ENPP3: variants seen among roughly 807,000 people sequenced by gnomAD.
ENPP3 encodes ectonucleotide pyrophosphatase/phosphodiesterase family member 3.
Under a neutral mutation model 117.8 loss-of-function variants are expected in ENPP3, and 104 were observed. That is an observed-to-expected ratio of 0.88 (90% CI 0.75 to 1.04). The LOEUF is 1.04. Ranked by LOEUF, ENPP3 falls within the 50% of genes least tolerant of loss-of-function variation. The pLI, the probability that ENPP3 is intolerant of heterozygous loss-of-function variation, is 0.00. For synonymous variants in ENPP3, 380 were observed against 349.9 expected (o/e 1.09, Z -0.96); for missense variants, 1,026 against 1,051.9 (o/e 0.98, Z 0.34).
At chr6:131,655,683 A>G (rs1485206152) in intron 5 of ENPP3, among the ~76,000 whole-genome samples, 1 of 152,240 alleles carries the variant, frequency 6.6e-6, no homozygotes, top group Non-Finnish European at 1.5e-5. Context: ...AACCTAGATG[A>G]CTAAGCCCAA....
chr6:131,726,848 C>G (rs1052773593), intron 20 of ENPP3, among the ~76,000 whole-genome samples: 15 of 152,296 alleles, frequency 9.8e-5, no homozygotes, highest in Middle Eastern at 3.4e-3. Flanking sequence ...AGGAAGAAAA[C>G]AGTAGATCCC....
rs371737976 is a variant in ENPP3, at chr6:131,639,265, A to ATATATATATTT, written c.78+1804_78+1805insATATATATTTT. Among the ~76,000 whole-genome samples, 25 of 107,184 alleles carry ATATATATATTT rather than the reference A, an allele frequency of 2.3e-4. No individual in the cohort carries two copies. The South Asian group carries it at 3.0e-3, about 13-fold the overall frequency. 70.3% of individuals were successfully genotyped at this position (107,184 alleles called of 152,430 possible). A position where few individuals can be genotyped will look rare whatever the true frequency, so the allele number is the denominator to read the frequency against. ...TATGCTAATATATATATATATATATATTTTTTTTTTTTTCTCTCTCTCTTT... is the reference window on the plus strand; with the variant it reads ...TATGCTAATATATATATATATATATATATATATATTTTTTTTTTTTTTTTCTCTCTCTCTTT... On this transcript the variant is annotated intron_variant, in intron 1 of 24. Transcript: ENST00000357639.
At chr6:131,649,555 T>C (rs1398290340) in intron 2 of ENPP3, among the ~76,000 whole-genome samples, 1 of 152,120 alleles carries the variant, frequency 6.6e-6, no homozygotes, top group African/African-American at 2.4e-5. Context: ...TCAATGTCAT[T>C]ACTATTATTA....
chr6:131,727,445 C>A (rs1180627963), intron 20 of ENPP3, among the ~76,000 whole-genome samples: 1 of 148,768 alleles, frequency 6.7e-6, no homozygotes, highest in Non-Finnish European at 1.5e-5. Context: ...ATCCCCGCTA[C>A]TTGGGAGGCT....
At position 131,726,126 on chromosome 6, in the gene ENPP3, C is replaced by T. The variant is rs761631707; in HGVS notation, c.1879C>T (p.His627Tyr). 1 of 1,613,452 alleles carries T rather than the reference C, an allele frequency of 6.2e-7. No homozygotes were observed. Among genetic ancestry groups the T allele is most frequent in the Admixed American group, 1.7e-5 (1 of 60,002 alleles). ...GAACGTGGACCACTGTCTCCTTTAC[C>T]ACAGGGAATATGTCAGTGGATTTGG... The part of the protein sequence containing the change: ...QKNVDHCLLY[H>Y]REYVSGFGKA... The change falls in exon 20 of 25, where the codon CAC becomes TAC. Residue 627 changes from histidine to tyrosine, a missense_variant. Physicochemically the swap from His to Tyr is moderately conservative, Grantham distance 83. Transcript: ENST00000357639.
intron 6 of ENPP3, among the ~76,000 whole-genome samples, chr6:131,670,848 A>G (rs1585643748): frequency 6.6e-6 from 1 of 152,192 alleles, no homozygotes; most frequent in African/African-American, 2.4e-5. Flanking sequence ...ACACGTAAAA[A>G]TTACCTGAAA....
intron 5 of ENPP3, among the ~76,000 whole-genome samples, chr6:131,657,887 G>C (rs577184996): frequency 2.1e-4 from 32 of 152,236 alleles, no homozygotes; most frequent in African/African-American, 6.5e-4. Context: ...TTTTAGGCCA[G>C]GCGTGGTGAC....
chr6:131,668,395 A>G (rs1384156888), intron 6 of ENPP3, among the ~76,000 whole-genome samples: 2 of 151,454 alleles, frequency 1.3e-5, no homozygotes, highest in African/African-American at 4.9e-5. Context: ...TTGTATTTTT[A>G]TTAGAGCCAG....
At chr6:131,637,947 C>T (rs1436297453) in intron 1 of ENPP3, among the ~76,000 whole-genome samples, 1 of 145,530 alleles carries the variant, frequency 6.9e-6, no homozygotes, top group Non-Finnish European at 1.5e-5. Context: ...AATAAATTTT[C>T]CTTGATTTTA....
intron 20 of ENPP3, among the ~76,000 whole-genome samples, chr6:131,732,468 A>G (rs1344040935): frequency 6.6e-6 from 1 of 152,116 alleles, no homozygotes; most frequent in Non-Finnish European, 1.5e-5. Context: ...GCTGGAGTGC[A>G]GTGGCACGAT....
chr6:131,710,847 AAGG>A, intron 15 of ENPP3: 1 of 1,612,812 alleles, frequency 6.2e-7, no homozygotes, highest in Non-Finnish European at 8.5e-7. Context: ...TCCACAAAAA[AAGG>A]AGAACAACAA....
intron 1 of ENPP3, among the ~76,000 whole-genome samples, chr6:131,637,694 A>C (rs1490712082): frequency 1.3e-5 from 2 of 152,232 alleles, no homozygotes; most frequent in Non-Finnish European, 2.9e-5. Flanking sequence ...AAAAGTTGGA[A>C]TCCATGACAG....
chr6:131,726,692 G>A (rs1780161687), intron 20 of ENPP3, among the ~76,000 whole-genome samples: 1 of 144,072 alleles, frequency 6.9e-6, no homozygotes, highest in Non-Finnish European at 1.5e-5. Context: ...ACTCCAGTAA[G>A]TCAGACTAGA....
chr6:131,688,840 T>C (rs1455221170), intron 14 of ENPP3, among the ~76,000 whole-genome samples: 1 of 143,550 alleles, frequency 7.0e-6, no homozygotes, highest in African/African-American at 2.6e-5. Flanking sequence ...TCATTTGAGG[T>C]CAGGAGATCG....
chr6:131,655,808 A>T (rs1778373587), intron 5 of ENPP3, among the ~76,000 whole-genome samples: 2 of 152,186 alleles, frequency 1.3e-5, no homozygotes, highest in South Asian at 4.1e-4. Context: ...TCTTGATGCA[A>T]GGCAAGACTA....
At chr6:131,721,072 A>T (rs1044891628) in intron 17 of ENPP3, among the ~76,000 whole-genome samples, 3 of 152,196 alleles carry the variant, frequency 2.0e-5, no homozygotes, top group Admixed American at 2.0e-4. Flanking sequence ...AAACATGGGA[A>T]AAAAGTCCTA....
chr6:131,647,857 T>C (rs887045142), intron 2 of ENPP3, among the ~76,000 whole-genome samples: 4 of 152,148 alleles, frequency 2.6e-5, no homozygotes, highest in Admixed American at 2.6e-4. Flanking sequence ...TTTCTTCCAC[T>C]GCCGTATAAT....
At chr6:131,649,948 T>G (rs1164027452) in intron 2 of ENPP3, 79 bp from the exon 3 acceptor site, 1 of 1,483,536 alleles carries the variant, frequency 6.7e-7, no homozygotes, top group Non-Finnish European at 9.4e-7. Flanking sequence ...GCTGTGTACT[T>G]CCTGTGTGCT....
intron 15 of ENPP3, among the ~76,000 whole-genome samples, chr6:131,701,980 A>T (rs1444432894): frequency 1.3e-5 from 2 of 150,524 alleles, no homozygotes; most frequent in East Asian, 3.8e-4. Context: ...GCTAAAATTT[A>T]AAAATAAACA....
Sources: gnomAD v4.1 joint callset for allele counts (sites outside exome capture counted in the v4.1 genomes callset) on GRCh38, gnomAD v4.1.1 for gene constraint, MANE v1.5 for transcripts, NCBI Gene and HGNC (gene_info 2026-07-23, HGNC 2026-07-21) for gene names.